PLEK2: variants seen among roughly 807,000 people sequenced by gnomAD.
The protein encoded by PLEK2 is pleckstrin 2, also known as pleckstrin-2.
In PLEK2, 29 loss-of-function variants were observed where a neutral mutation model predicts 43.8. That is an observed-to-expected ratio of 0.66 (90% CI 0.49 to 0.90). PLEK2 has a LOEUF of 0.90. Ranked by LOEUF, PLEK2 falls within the 40% of genes least tolerant of loss-of-function variation. PLEK2 has a pLI of 0.00. For missense variants in PLEK2, 398 were observed against 448.1 expected (o/e 0.89, Z 1.01); for synonymous variants, 162 against 173.2 (o/e 0.94, Z 0.51).
chr14:67,396,285 C>T (rs61035775), intron 2 of PLEK2, among the ~76,000 whole-genome samples: 27,342 of 137,184 alleles, frequency 0.2, 532 homozygotes, highest in African/African-American at 0.42. Flanking sequence ...GTAGATGGGA[C>T]TACAGACGCC....
rs930632949 is a variant in PLEK2 at position 67,393,065 on chromosome 14, T to C, written c.481+85A>G. 6 of 1,101,340 alleles carry C rather than the reference T, an allele frequency of 5.4e-6. No individual in the cohort carries two copies. In the African/African-American group the frequency reaches 9.2e-5, roughly 17 times the overall value. 68.2% of individuals were successfully genotyped at this position (1,101,340 alleles called of 1,614,324 possible). A position where few individuals can be genotyped will look rare whatever the true frequency, so the allele number is the denominator to read the frequency against. Reference sequence around the variant, plus strand: ...GCCCAGCAGGCAGCTCTGACCTCAATACAGGGCGGTCAAGCACACAGCTGA... The same window carrying C: ...GCCCAGCAGGCAGCTCTGACCTCAACACAGGGCGGTCAAGCACACAGCTGA... On this transcript the variant is annotated intron_variant, in intron 4 of 8. Coordinates refer to ENST00000216446, the MANE Select transcript of PLEK2 (RefSeq NM_016445.3).
At chr14:67,393,599 A>T (rs1354557523) in intron 3 of PLEK2, among the ~76,000 whole-genome samples, 1 of 151,982 alleles carries the variant, frequency 6.6e-6, no homozygotes, top group Non-Finnish European at 1.5e-5. Flanking sequence ...GATTACAGAC[A>T]TTTGCCACCA....
intron 1 of PLEK2, among the ~76,000 whole-genome samples, chr14:67,408,781 C>G (rs1315370873): frequency 6.6e-6 from 1 of 152,216 alleles, no homozygotes; most frequent in Non-Finnish European, 1.5e-5. Context: ...TGCTCTTTTT[C>G]TTCTACGCAT....
At chr14:67,388,885 GC>G in intron 7 of PLEK2, among the ~76,000 whole-genome samples, 1 of 151,942 alleles carries the variant, frequency 6.6e-6, no homozygotes, top group African/African-American at 2.4e-5. Flanking sequence ...CATCACCTTG[GC>G]CAGGCTGGTC....
At chr14:67,389,775 CTTT>C (rs74368440) in intron 7 of PLEK2, among the ~76,000 whole-genome samples, 2 of 137,352 alleles carry the variant, frequency 1.5e-5, no homozygotes, top group African/African-American at 5.2e-5. Context: ...TGTTTTTTTT[CTTT>C]TTTTTTTTTT....
intron 1 of PLEK2, among the ~76,000 whole-genome samples, chr14:67,410,184 G>A (rs1332757161): frequency 6.6e-6 from 1 of 152,096 alleles, no homozygotes; most frequent in African/African-American, 2.4e-5. Context: ...CTGTGGCTCT[G>A]CCCTTAGCCC....
chr14:67,393,705 C>T (rs930388783), intron 3 of PLEK2, among the ~76,000 whole-genome samples: 5 of 152,112 alleles, frequency 3.3e-5, no homozygotes, highest in African/African-American at 1.2e-4. Context: ...CCGCCTGCCT[C>T]AGCCTCCGAA....
At chr14:67,408,828 T>C (rs1288100967) in intron 1 of PLEK2, among the ~76,000 whole-genome samples, 1 of 152,150 alleles carries the variant, frequency 6.6e-6, no homozygotes, top group Admixed American at 6.5e-5. Context: ...CACTTTACTC[T>C]TCGGATTTTA....
intron 1 of PLEK2, among the ~76,000 whole-genome samples, chr14:67,406,196 T>G (rs1288534605): frequency 6.6e-6 from 1 of 150,404 alleles, no homozygotes; most frequent in Non-Finnish European, 1.5e-5. Context: ...GAGGAGGAGG[T>G]TGCAGTGAGC....
intron 1 of PLEK2, among the ~76,000 whole-genome samples, chr14:67,402,280 T>TTA (rs1214751434): frequency 2.0e-5 from 3 of 152,240 alleles, no homozygotes; most frequent in Non-Finnish European, 4.4e-5. Context: ...TTAAATTTTT[T>TTA]TATTTTTAAT....
At position 67,397,649 on chromosome 14, in the gene PLEK2, G is replaced by A. The variant is rs959350952; in HGVS notation, c.207+13C>T. 2 of 1,603,858 alleles carry A rather than the reference G, an allele frequency of 1.2e-6. No individual in the cohort carries two copies. The highest frequency in any genetic ancestry group is 1.7e-6 in the Non-Finnish European group (2 of 1,174,310). ...GAACAGAGAGGAGCTGGACAGCAGG[G>A]GCCATCACTTACCGGTCGGTTTTCA... On this transcript the variant is annotated intron_variant, in intron 2 of 8. Coordinates refer to ENST00000216446, the MANE Select transcript of PLEK2 (RefSeq NM_016445.3).
intron 1 of PLEK2, among the ~76,000 whole-genome samples, chr14:67,403,289 T>G (rs1182067580): frequency 3.9e-5 from 6 of 152,208 alleles, no homozygotes; most frequent in African/African-American, 1.4e-4. Flanking sequence ...TAGTCAAACA[T>G]GGGAAAACAA....
At position 67,395,563 on chromosome 14, in the gene PLEK2, A is replaced by C; in HGVS notation, c.228T>G (p.Thr76=). 1 of 1,614,134 alleles carries C rather than the reference A, an allele frequency of 6.2e-7. No individual in the cohort carries two copies. The highest frequency in any genetic ancestry group is 8.5e-7 in the Non-Finnish European group (1 of 1,180,004). ...CCAGGAAGTACTCCGTGGATGTTTGAGTCTTCAGCTTAATGAGGAGCTGTG... is the reference window on the plus strand; with the variant it reads ...CCAGGAAGTACTCCGTGGATGTTTGCGTCTTCAGCTTAATGAGGAGCTGTG... ...ENRPLLIKLK[T]QTSTEYFLEA... is the part of the protein sequence containing the mutation. Residue 76 remains threonine (T), a synonymous_variant, in exon 3 of 9, where the codon ACT becomes ACG. Transcript: ENST00000216446.
intron 1 of PLEK2, among the ~76,000 whole-genome samples, chr14:67,410,420 T>C (rs1262805840): frequency 6.6e-6 from 1 of 152,142 alleles, no homozygotes; most frequent in Admixed American, 6.5e-5. Context: ...CGCAGTTAAA[T>C]GTGAGATTAG....
At chr14:67,398,542 C>A (rs2086026828) in intron 1 of PLEK2, among the ~76,000 whole-genome samples, 1 of 151,576 alleles carries the variant, frequency 6.6e-6, no homozygotes, top group Non-Finnish European at 1.5e-5. Flanking sequence ...ACCTGAGAAC[C>A]AACTAAACTA....
At chr14:67,408,224 T>C (rs996396721) in intron 1 of PLEK2, among the ~76,000 whole-genome samples, 30 of 150,650 alleles carry the variant, frequency 2.0e-4, no homozygotes, top group African/African-American at 7.3e-4. Context: ...AGGCAGAGGT[T>C]GCAGTGAGCC....
At chr14:67,391,430 T>TC (rs1248136111) in intron 6 of PLEK2, among the ~76,000 whole-genome samples, 2 of 151,452 alleles carry the variant, frequency 1.3e-5, no homozygotes, top group African/African-American at 4.9e-5. Flanking sequence ...CCTCTCTTCC[T>TC]CCCCTCGGGA....
Position 67,399,189 on chromosome 14 carries a change from G to A in PLEK2, c.43-1363C>T, listed in dbSNP as rs1267602148. ...TGTGGCAGGCATAAAGAGAAGGGTA[G>A]TTTAGGTGGTTCTCAGGTGGCAGGA... is the stretch of plus-strand genomic sequence containing the variant. On this transcript the variant is annotated intron_variant, in intron 1 of 8. Coordinates refer to ENST00000216446, the MANE Select transcript of PLEK2 (RefSeq NM_016445.3). Among the ~76,000 whole-genome samples, 7 of 151,322 alleles carry A rather than the reference G, an allele frequency of 4.6e-5. No individual in the cohort carries two copies. In the East Asian group the frequency reaches 1.3e-3, roughly 29 times the overall value.
intron 7 of PLEK2, among the ~76,000 whole-genome samples, chr14:67,389,947 T>C (rs1413547694): frequency 6.6e-6 from 1 of 152,120 alleles, no homozygotes; most frequent in Non-Finnish European, 1.5e-5. Flanking sequence ...CATCCCTCCC[T>C]GGCCCTGGCC....
Sources: gnomAD v4.1 joint callset for allele counts (sites outside exome capture counted in the v4.1 genomes callset) on GRCh38, gnomAD v4.1.1 for gene constraint, MANE v1.5 for transcripts, NCBI Gene and HGNC (gene_info 2026-07-23, HGNC 2026-07-21) for gene names.